TSPAN2: variants seen among roughly 807,000 people sequenced by gnomAD.
TSPAN2 encodes the protein tetraspanin-2.
A neutral mutation model predicts 33.3 loss-of-function variants in TSPAN2; 24 were observed. The observed-to-expected ratio is 0.72, with a 90% CI of 0.52 to 1.01. The LOEUF (loss-of-function observed/expected upper bound fraction) is 1.01. Ranked by LOEUF, TSPAN2 falls within the 50% of genes least tolerant of loss-of-function variation. The probability of loss-of-function intolerance (pLI) is 0.00; values close to 1 mark genes in which losing one functional copy is unlikely to be tolerated. For synonymous variants in TSPAN2, 114 were observed against 104.5 expected (o/e 1.09, Z -0.56); for missense variants, 278 against 281.3 (o/e 0.99, Z 0.08).
chr1:115,052,409 C>T (rs1647210006), intron 7 of TSPAN2, among the ~76,000 whole-genome samples: 1 of 152,180 alleles, frequency 6.6e-6, no homozygotes, highest in Non-Finnish European at 1.5e-5. Flanking sequence ...CATCCAACCC[C>T]TGGACAATGG....
At position 115,050,504 on chromosome 1, in the gene TSPAN2, G is replaced by T. The variant is rs771292083; in HGVS notation, c.652C>A (p.Arg218=). The change falls in exon 8 of 8, where the codon CGA becomes AGA. Residue 218 remains arginine (R), a synonymous_variant. Transcript: ENST00000369516. ...TAGAAGTAGCTTCATATCACATCTC[G>T]TGAGTTTCGTATCGCACAGCAGAGG... ...MVLCCAIRNS[R]DVI is the part of the protein sequence containing the mutation. 1 of 1,613,772 alleles carries T rather than the reference G, an allele frequency of 6.2e-7. No individual in the cohort carries two copies. Among genetic ancestry groups the T allele is most frequent in the African/African-American group, 1.3e-5 (1 of 74,910 alleles).
rs1675237401 is a variant in TSPAN2 at position 115,048,968 on chromosome 1, G to A, written c.*1522C>T. 1 of 152,052 alleles carries A rather than the reference G, an allele frequency of 6.6e-6. No individual in the cohort carries two copies. The highest frequency in any genetic ancestry group is 1.5e-5 in the Non-Finnish European group (1 of 67,928). 9.4% of individuals were successfully genotyped at this position (152,052 alleles called of 1,614,324 possible). A position where few individuals can be genotyped will look rare whatever the true frequency, so the allele number is the denominator to read the frequency against. On this transcript the variant is annotated 3_prime_UTR_variant, in exon 8 of 8. Coordinates refer to ENST00000369516, the MANE Select transcript of TSPAN2 (RefSeq NM_005725.6). Reference sequence around the variant, plus strand: ...AGCAGTCATATCTTTTTAGCAAAATGTTTTGTGAGTTTTTTGGGAGTGTGA... The same window carrying A: ...AGCAGTCATATCTTTTTAGCAAAATATTTTGTGAGTTTTTTGGGAGTGTGA...
chr1:115,062,957 G>A (rs983965062), intron 2 of TSPAN2, among the ~76,000 whole-genome samples: 5 of 152,212 alleles, frequency 3.3e-5, no homozygotes, highest in South Asian at 2.1e-4. Context: ...TGGCCTCAGC[G>A]TTCTTTTCAG....
At position 115,049,953 on chromosome 1, in the gene TSPAN2, T is replaced by C. The variant is rs1044672370; in HGVS notation, c.*537A>G. 6.3e-6 allele frequency: 1 copy of C among 157,642 alleles called. No individual in the cohort carries two copies. The highest frequency in any genetic ancestry group is 2.4e-5 in the African/African-American group (1 of 41,438). The allele number at this position is 157,642 out of a possible 1,614,324, so 9.8% of individuals were successfully genotyped here. A position where few individuals can be genotyped will look rare whatever the true frequency, so the allele number is the denominator to read the frequency against. ...TACTGTATTCTGGGGAGAGCATGTA[T>C]ATAAAAAAACCCAGGAAACCCTTAC... is the stretch of plus-strand genomic sequence containing the variant. On this transcript the variant is annotated 3_prime_UTR_variant, in exon 8 of 8. Coordinates refer to ENST00000369516, the MANE Select transcript of TSPAN2 (RefSeq NM_005725.6).
chr1:115,057,698 C>T (rs1422848836), intron 5 of TSPAN2, 90 bp from the exon 6 acceptor site: 29 of 1,248,204 alleles, frequency 2.3e-5, no homozygotes, highest in South Asian at 7.2e-5. Flanking sequence ...GGTGCCGAGG[C>T]GGCAAAGCAG....
At chr1:115,053,110 T>C (rs1273831873) in intron 7 of TSPAN2, among the ~76,000 whole-genome samples, 1 of 152,190 alleles carries the variant, frequency 6.6e-6, no homozygotes, top group Non-Finnish European at 1.5e-5. Flanking sequence ...ATCTAGGTTA[T>C]GGATAGTAGC....
chr1:115,072,019 A>G (rs1570977988), intron 2 of TSPAN2, among the ~76,000 whole-genome samples: 1 of 152,308 alleles, frequency 6.6e-6, no homozygotes, highest in South Asian at 2.1e-4. Context: ...TGGCTGGTGC[A>G]GATCCTAAAA....
rs1212426977 is a variant in TSPAN2, at chr1:115,049,534, G to A, written c.*956C>T. ...TTATGAGGTATTTCATAGATACAGT[G>A]CCCATACAAATTCTCTTTCCCACAA... On this transcript the variant is annotated 3_prime_UTR_variant, in exon 8 of 8. Transcript: ENST00000369516. 1 of 152,500 alleles carries A rather than the reference G, an allele frequency of 6.6e-6. No homozygotes were observed. The highest frequency in any genetic ancestry group is 1.5e-5 in the Non-Finnish European group (1 of 67,968). 9.4% of individuals were successfully genotyped at this position (152,500 alleles called of 1,614,324 possible).
chr1:115,085,477 T>C (rs1255678586), intron 1 of TSPAN2, among the ~76,000 whole-genome samples: 1 of 152,142 alleles, frequency 6.6e-6, no homozygotes, highest in Non-Finnish European at 1.5e-5. Flanking sequence ...CCCACCTCTA[T>C]GCTTACTTCT....
chr1:115,060,962 C>T (rs762322258), intron 3 of TSPAN2, among the ~76,000 whole-genome samples: 8 of 152,046 alleles, frequency 5.3e-5, no homozygotes, highest in South Asian at 2.1e-4. Flanking sequence ...ATCACTGATG[C>T]GGCCTGGGCA....
At chr1:115,078,920 TG>T (rs1438300347) in intron 1 of TSPAN2, among the ~76,000 whole-genome samples, 1 of 152,208 alleles carries the variant, frequency 6.6e-6, no homozygotes, top group East Asian at 1.9e-4. Context: ...AGGCACTGTG[TG>T]AACACGCTGT....
At chr1:115,082,105 T>C (rs1421412649) in intron 1 of TSPAN2, among the ~76,000 whole-genome samples, 1 of 152,268 alleles carries the variant, frequency 6.6e-6, no homozygotes, top group African/African-American at 2.4e-5. Flanking sequence ...ATATCTCTGC[T>C]GTCCAGCGTT....
rs767117183 is a variant in TSPAN2, at chr1:115,057,563, A to G, written c.490T>C (p.Cys164Arg). 5 of 1,614,034 alleles carry G rather than the reference A, an allele frequency of 3.1e-6. No homozygotes were observed. Among genetic ancestry groups the G allele is most frequent in the Admixed American group, 1.7e-5 (1 of 60,006 alleles). The change falls in exon 6 of 8, where the codon TGC (cysteine) becomes CGC (arginine). Residue 164 changes from cysteine to arginine, a missense_variant. Transcript: ENST00000369516. ...TTGTGTCCTAGAAGCTCCTTTGGGC[A>G]TGTAGGTTGGACCTGTTCGGAGCTT... Reference protein sequence around the residue: ...KESSEQVQPTCPKELLGHKNC... With the variant: ...KESSEQVQPTRPKELLGHKNC...
intron 1 of TSPAN2, among the ~76,000 whole-genome samples, chr1:115,082,410 T>A (rs1446506901): frequency 6.6e-6 from 1 of 152,238 alleles, no homozygotes; most frequent in Non-Finnish European, 1.5e-5. Context: ...TTCAGACCTC[T>A]GTTTTCTCAT....
At chr1:115,070,897 A>T (rs1309322511) in intron 2 of TSPAN2, among the ~76,000 whole-genome samples, 1 of 152,164 alleles carries the variant, frequency 6.6e-6, no homozygotes, top group Non-Finnish European at 1.5e-5. Flanking sequence ...CAGAATTCTT[A>T]TACATTTTTG....
At chr1:115,060,398 T>C (rs1349618515) in intron 4 of TSPAN2, 66 bp downstream of exon 4, 1 of 1,292,204 alleles carries the variant, frequency 7.7e-7, no homozygotes, top group Non-Finnish European at 1.1e-6. Context: ...CTTAACACTA[T>C]TGTGGGTATC....
At chr1:115,060,269 AG>A (rs1647661769) in intron 4 of TSPAN2, among the ~76,000 whole-genome samples, 194 bp downstream of exon 4, 1 of 152,150 alleles carries the variant, frequency 6.6e-6, no homozygotes, top group African/African-American at 2.4e-5. Context: ...CTATCTCCCC[AG>A]AAAAATGTGA....
intron 2 of TSPAN2, among the ~76,000 whole-genome samples, chr1:115,069,097 A>T (rs1570975654): frequency 6.6e-6 from 1 of 152,158 alleles, no homozygotes; most frequent in Non-Finnish European, 1.5e-5. Context: ...GAGTGCCTTT[A>T]CCACCAACCA....
intron 3 of TSPAN2, 36 bp downstream of exon 3, chr1:115,062,099 C>A (rs1251308357): frequency 4.0e-5 from 59 of 1,469,348 alleles, no homozygotes; most frequent in Non-Finnish European, 5.2e-5. Flanking sequence ...CGCTCCCTCA[C>A]CCCCACCCCA....
Sources: allele counts gnomAD v4.1 joint callset (sites outside exome capture counted in the v4.1 genomes callset), GRCh38; gene constraint gnomAD v4.1.1; transcripts MANE v1.5; gene names NCBI Gene and HGNC (gene_info 2026-07-23, HGNC 2026-07-21).